Variants in PRXL2B observed in about 807,000 individuals in gnomAD.
PRXL2B encodes prostamide/prostaglandin F synthase.
In PRXL2B, 26 loss-of-function variants were observed where a neutral mutation model predicts 24.4. The ratio of observed to expected loss-of-function variants is 1.07; its 90% CI spans 0.78 to 1.48. PRXL2B has a LOEUF of 1.48. Ranked by LOEUF, PRXL2B falls within the 40% of genes most tolerant of loss-of-function variation. PRXL2B has a pLI of 0.00. For missense variants in PRXL2B, 269 were observed against 264.8 expected (o/e 1.02, Z -0.11); for synonymous variants, 115 against 118.9 (o/e 0.97, Z 0.21).
In PRXL2B at chr1:2,590,992, A is replaced by G. The variant is rs747833566; in HGVS notation, c.*1565A>G. The G allele has an allele frequency of 1.9e-6, 3 of 1,583,728 alleles. No individual in the cohort carries two copies. Among genetic ancestry groups the G allele is most frequent in the South Asian group, 1.2e-5 (1 of 86,044 alleles). On this transcript the variant is annotated 3_prime_UTR_variant, in exon 7 of 7. Coordinates refer to ENST00000419916, the MANE Select transcript of PRXL2B (RefSeq NM_152371.5). ...CGCACAGCGCGGCAGGGCCTTGGCT[A>G]CCACACGCGGCATCGCTCCTTGGGG...
Position 2,588,633 on chromosome 1 carries a change from G to A in PRXL2B, c.460+8G>A, listed in dbSNP as rs546577437. ...TGCTGGTGGTCAGCAAAGGTGGGTC[G>A]AGGGAGGGGCCTCGGCCACTGCCTC... On this transcript the variant is annotated splice_region_variant and intron_variant, in intron 5 of 6. Transcript: ENST00000419916. 8 of 1,613,222 alleles carry A rather than the reference G, an allele frequency of 5.0e-6. No individual in the cohort carries two copies. The highest frequency in any genetic ancestry group is 2.7e-5 in the African/African-American group (2 of 75,044).
chr1:2,590,907 C>T lies in PRXL2B; in HGVS notation c.*1480C>T. On this transcript the variant is annotated 3_prime_UTR_variant, in exon 7 of 7. Transcript: ENST00000419916. ...ATGGTTGGCCGGGGCGGGACGTACA[C>T]TGGGTCGCCGCTAGCTGCACCTTCG... 1 of 1,132,620 alleles carries T rather than the reference C, an allele frequency of 8.8e-7. No individual in the cohort carries two copies. Among genetic ancestry groups the T allele is most frequent in the Non-Finnish European group, 1.2e-6 (1 of 859,408 alleles). 70.2% of individuals were successfully genotyped at this position (1,132,620 alleles called of 1,614,324 possible). A position where few individuals can be genotyped will look rare whatever the true frequency, so the allele number is the denominator to read the frequency against.
chr1:2,591,198 A>C lies in PRXL2B; in HGVS notation c.*1771A>C. ...GCCCAAAACATCAGCCTAATGGCTC[A>C]TGTCAGTATGAGCAGAAACATTTCA... On this transcript the variant is annotated 3_prime_UTR_variant, in exon 7 of 7. Coordinates refer to ENST00000419916, the MANE Select transcript of PRXL2B (RefSeq NM_152371.5). 1 of 698,314 alleles carries C rather than the reference A, an allele frequency of 1.4e-6. No individual in the cohort carries two copies. The highest frequency in any genetic ancestry group is 2.3e-6 in the Non-Finnish European group (1 of 428,418). 43.3% of individuals were successfully genotyped at this position (698,314 alleles called of 1,614,324 possible).
rs1644695461 is a variant in PRXL2B, at chr1:2,591,269, G to A, written c.*1842G>A. 1.3e-5 allele frequency: 8 copies of A among 597,112 alleles called. No homozygotes were observed. Among genetic ancestry groups the A allele is most frequent in the Non-Finnish European group, 2.4e-5 (8 of 338,620 alleles). 37.0% of individuals were successfully genotyped at this position (597,112 alleles called of 1,614,324 possible). A position where few individuals can be genotyped will look rare whatever the true frequency, so the allele number is the denominator to read the frequency against. On this transcript the variant is annotated 3_prime_UTR_variant, in exon 7 of 7. Coordinates refer to ENST00000419916, the MANE Select transcript of PRXL2B (RefSeq NM_152371.5). ...CTGACCAGAAACATGCCAATCCTGA[G>A]AATAACCTCCCCTCCAGCCAGAGAT...
In PRXL2B at chr1:2,589,523, G is replaced by A; in HGVS notation, c.*96G>A. On this transcript the variant is annotated 3_prime_UTR_variant, in exon 7 of 7. Coordinates refer to ENST00000419916, the MANE Select transcript of PRXL2B (RefSeq NM_152371.5). The stretch of plus-strand genomic sequence containing the variant: ...TGGAAGAACTGTTCCGGAGGCGCTG[G>A]GTCGGGATGCCGAACCTCTCCTGAT... The A allele has an allele frequency of 6.3e-7, 1 of 1,580,204 alleles. No homozygotes were observed. Among genetic ancestry groups the A allele is most frequent in the Non-Finnish European group, 8.7e-7 (1 of 1,156,002 alleles).
In PRXL2B at chr1:2,587,419, C is replaced by A; in HGVS notation, c.268+124C>A. On this transcript the variant is annotated intron_variant, in intron 2 of 6. Transcript: ENST00000419916. This position sits in a 1 kb window ranked among gnomAD's most constrained non-coding sequence, Gnocchi z 6.1. ...GAGCGGCCTTGATATGCCCACGGGT[C>A]AGCGTCCCTCATCTCTCCCTGCCTC... 1 of 1,133,696 alleles carries A rather than the reference C, an allele frequency of 8.8e-7. No individual in the cohort carries two copies. Among genetic ancestry groups the A allele is most frequent in the South Asian group, 1.4e-5 (1 of 72,928 alleles). 70.2% of individuals were successfully genotyped at this position (1,133,696 alleles called of 1,614,324 possible). A position where few individuals can be genotyped will look rare whatever the true frequency, so the allele number is the denominator to read the frequency against.
chr1:2,587,353 C>G lies in PRXL2B; in HGVS notation c.268+58C>G, dbSNP rs1254311090. The G allele has an allele frequency of 4.0e-6, 6 of 1,518,730 alleles. No homozygotes were observed. The East Asian group carries it at 1.2e-4, about 31-fold the overall frequency. The allele number at this position is 1,518,730 out of a possible 1,614,324, so 94.1% of individuals were successfully genotyped here. A position where few individuals can be genotyped will look rare whatever the true frequency, so the allele number is the denominator to read the frequency against. On this transcript the variant is annotated intron_variant, in intron 2 of 6. Transcript: ENST00000419916. The surrounding 1 kb of genome is among the most constrained non-coding windows in gnomAD (Gnocchi z 6.1). ...TACCCTTCCCTAAGCTCAGGGCGTTCGGGGCCCTTTCCTGCCCAACCCCGG... is the reference window on the plus strand; with the variant it reads ...TACCCTTCCCTAAGCTCAGGGCGTTGGGGGCCCTTTCCTGCCCAACCCCGG...
In PRXL2B at chr1:2,589,648, GT is replaced by G; in HGVS notation, c.*223del. ...CTCCACAGCCCCCGCCTTGCTCACT[GT>G]TGGGCCCTCAGGGCGGGCAGGGTGG... is the stretch of plus-strand genomic sequence containing the variant. On this transcript the variant is annotated 3_prime_UTR_variant, in exon 7 of 7. Coordinates refer to ENST00000419916, the MANE Select transcript of PRXL2B (RefSeq NM_152371.5). 1.6e-6 allele frequency: 1 copy of G among 630,038 alleles called. No individual in the cohort carries two copies. The highest frequency in any genetic ancestry group is 2.0e-5 in the South Asian group (1 of 50,790). 39.0% of individuals were successfully genotyped at this position (630,038 alleles called of 1,614,324 possible).
Position 2,587,770 on chromosome 1 carries a change from T to A in PRXL2B, c.298T>A (p.Tyr100Asn), listed in dbSNP as rs764680301. ...ELYLDESKQL[Y>N]KELGFKRYNS... ...CTACCTGGATGAGAGCAAGCAGCTT[T>A]ACAAGGAGCTAGGCTTCAAGCGGTG... The change falls in exon 3 of 7, where the codon TAC (tyrosine) becomes AAC (asparagine). Residue 100 changes from tyrosine (Y) to asparagine (N), a missense_variant. Tyr to Asn is a moderately radical substitution (Grantham distance 143, BLOSUM62 -2). Transcript: ENST00000419916. This position sits in a 1 kb window ranked among gnomAD's most constrained non-coding sequence, Gnocchi z 6.1. 1 of 1,535,628 alleles carries A rather than the reference T, an allele frequency of 6.5e-7. No homozygotes were observed. Among genetic ancestry groups the A allele is most frequent in the Non-Finnish European group, 8.8e-7 (1 of 1,134,630 alleles).
At position 2,587,245 on chromosome 1, in the gene PRXL2B, C is replaced by T; in HGVS notation, c.218C>T (p.Pro73Leu). 1 of 1,578,240 alleles carries T rather than the reference C, an allele frequency of 6.3e-7. No individual in the cohort carries two copies. The highest frequency in any genetic ancestry group is 8.6e-7 in the Non-Finnish European group (1 of 1,168,324). The change falls in exon 2 of 7, where the codon CCC becomes CTC. Residue 73 changes from proline (P) to leucine (L), a missense_variant. By Grantham distance (98) the Pro-to-Leu change is moderately conservative. Coordinates refer to ENST00000419916, the MANE Select transcript of PRXL2B (RefSeq NM_152371.5). This position sits in a 1 kb window ranked among gnomAD's most constrained non-coding sequence, Gnocchi z 6.1. ...QHGVRLVGVG[P>L]EALGLQEFLD... ...GGCGTGCGCCTGGTGGGCGTAGGGC[C>T]CGAGGCCCTGGGTCTGCAGGAGTTC...
chr1:2,588,280 G>T lies in PRXL2B; in HGVS notation c.321-110G>T. The T allele has an allele frequency of 5.0e-6, 7 of 1,405,634 alleles. No homozygotes were observed. The African/African-American group carries it at 5.7e-5, about 12-fold the overall frequency. 87.1% of individuals were successfully genotyped at this position (1,405,634 alleles called of 1,614,324 possible). A position where few individuals can be genotyped will look rare whatever the true frequency, so the allele number is the denominator to read the frequency against. On this transcript the variant is annotated intron_variant, in intron 3 of 6. Transcript: ENST00000419916. ...TGTGCCATCTCTGAGCCCTGGTGAG[G>T]CGGGTGGGTGGGGTGGGGCCTGACC...
chr1:2,587,089 A>T lies in PRXL2B; in HGVS notation c.64-2A>T. 2 of 1,517,842 alleles carry T rather than the reference A, an allele frequency of 1.3e-6. No homozygotes were observed. The highest frequency in any genetic ancestry group is 2.5e-5 in the South Asian group (2 of 81,588). 94.0% of individuals were successfully genotyped at this position (1,517,842 alleles called of 1,614,324 possible). ...CGCGCCCATGACCCAGCCGCCCGGC[A>T]GGCCGTGGAGCTGCGGAGCCTGTGG... On this transcript the variant is annotated splice_acceptor_variant, in intron 1 of 6. Transcript: ENST00000419916. LOFTEE classifies it high-confidence loss of function. The surrounding 1 kb of genome is among the most constrained non-coding windows in gnomAD (Gnocchi z 6.1).
At position 2,588,955 on chromosome 1, in the gene PRXL2B, A is replaced by T; in HGVS notation, c.494A>T (p.Lys165Met). 6.2e-7 allele frequency: 1 copy of T among 1,613,302 alleles called. No individual in the cohort carries two copies. The highest frequency in any genetic ancestry group is 2.2e-5 in the East Asian group (1 of 44,866). Residue 165 changes from lysine (K) to methionine (M), a missense_variant, in exon 6 of 7, where the codon AAG becomes ATG. Lys to Met is a moderately conservative substitution (Grantham distance 95). Transcript: ENST00000419916. ...GDKVLLHFVQ[K>M]SPGDYVPKEH... The stretch of plus-strand genomic sequence containing the variant: ...AAAGTGCTCCTGCATTTCGTCCAGA[A>T]GTCCCCAGGCGACTACGTCCCCAAG...
rs553052411 is a variant in PRXL2B at position 2,588,632 on chromosome 1, C to T, written c.460+7C>T. 1.7e-4 allele frequency: 277 copies of T among 1,613,258 alleles called. 1 individual carries two copies. In the South Asian group the frequency reaches 2.5e-3, roughly 15 times the overall value. ...CTGCTGGTGGTCAGCAAAGGTGGGT[C>T]GAGGGAGGGGCCTCGGCCACTGCCT... On this transcript the variant is annotated splice_region_variant and intron_variant, in intron 5 of 6. Transcript: ENST00000419916.
Position 2,590,747 on chromosome 1 carries a change from G to C in PRXL2B, c.*1320G>C, listed in dbSNP as rs777794575. On this transcript the variant is annotated 3_prime_UTR_variant, in exon 7 of 7. Coordinates refer to ENST00000419916, the MANE Select transcript of PRXL2B (RefSeq NM_152371.5). ...TTGATTGTCTCTACAGAGCTGTGAC[G>C]GGGGCACTGAGCCCCGCGGGTGTCT... is the stretch of plus-strand genomic sequence containing the variant. 2.5e-6 allele frequency: 1 copy of C among 398,882 alleles called. No homozygotes were observed. Among genetic ancestry groups the C allele is most frequent in the Non-Finnish European group, 4.4e-6 (1 of 225,848 alleles). 24.7% of individuals were successfully genotyped at this position (398,882 alleles called of 1,614,324 possible).
In PRXL2B at chr1:2,588,986, C is replaced by T. The variant is rs766070835; in HGVS notation, c.525C>T (p.His175=). The change falls in exon 6 of 7, where the codon CAC becomes CAT. Residue 175 remains histidine, a synonymous_variant. Coordinates refer to ENST00000419916, the MANE Select transcript of PRXL2B (RefSeq NM_152371.5). ...KSPGDYVPKE[H]ILQVLGISAE... ...CAGGCGACTACGTCCCCAAGGAGCA[C>T]ATCCTGCAGGTCCTGGGCATCTCTG... 1.2e-6 allele frequency: 2 copies of T among 1,613,352 alleles called. No individual in the cohort carries two copies. Among genetic ancestry groups the T allele is most frequent in the East Asian group, 4.5e-5 (2 of 44,886 alleles).
Position 2,591,042 on chromosome 1 carries a change from T to C in PRXL2B, c.*1615T>C, listed in dbSNP as rs1166339125. On this transcript the variant is annotated 3_prime_UTR_variant, in exon 7 of 7. Transcript: ENST00000419916. Reference sequence around the variant, plus strand: ...GTGCATGGGGGTGCCCCGGGCACAGTGGAACGTGTCTGCGAAGGCGGCCAG... The same window carrying C: ...GTGCATGGGGGTGCCCCGGGCACAGCGGAACGTGTCTGCGAAGGCGGCCAG... The C allele has an allele frequency of 1.2e-6, 2 of 1,606,568 alleles. No homozygotes were observed. Among genetic ancestry groups the C allele is most frequent in the Admixed American group, 3.4e-5 (2 of 59,150 alleles).
At chr1:2,589,256 G>C (rs1327048430) in intron 6 of PRXL2B, among the ~76,000 whole-genome samples, 154 bp from the exon 7 acceptor site, 2 of 152,224 alleles carry the variant, frequency 1.3e-5, no homozygotes, top group Non-Finnish European at 2.9e-5. Context: ...GGCACCTTGG[G>C]ACTGTCCTCA....
chr1:2,588,921 G>A lies in PRXL2B; in HGVS notation c.461-1G>A, dbSNP rs755775415. ...CCGTGACTGCCTGCCCGCTGCTACA[G>A]GTGGTGATAAAGTGCTCCTGCATTT... On this transcript the variant is annotated splice_acceptor_variant, in intron 5 of 6. Coordinates refer to ENST00000419916, the MANE Select transcript of PRXL2B (RefSeq NM_152371.5). LOFTEE classifies it high-confidence loss of function. 1.2e-6 allele frequency: 2 copies of A among 1,613,100 alleles called. No individual in the cohort carries two copies. The highest frequency in any genetic ancestry group is 2.2e-5 in the South Asian group (2 of 91,082).
Sources: gnomAD v4.1 joint callset for allele counts (sites outside exome capture counted in the v4.1 genomes callset) on GRCh38, gnomAD v4.1.1 for gene constraint, Gnocchi (gnomAD v3.1) non-coding constraint, MANE v1.5 for transcripts, NCBI Gene and HGNC (gene_info 2026-07-23, HGNC 2026-07-21) for gene names.